STXBP4: variants seen among roughly 807,000 people sequenced by gnomAD.
STXBP4 encodes the protein syntaxin binding protein 4.
Under a neutral mutation model 76.1 loss-of-function variants are expected in STXBP4, and 55 were observed. The observed-to-expected ratio is 0.72, with a 90% CI of 0.58 to 0.91. The LOEUF (loss-of-function observed/expected upper bound fraction) is 0.91, where lower values mean the gene tolerates loss of function less well. Ranked by LOEUF, STXBP4 falls within the 40% of genes least tolerant of loss-of-function variation. STXBP4 has a pLI of 0.00. For missense variants in STXBP4, 618 were observed against 636.9 expected, an observed-to-expected ratio of 0.97 and a Z score of 0.32; for synonymous variants, 201 against 220.2, an observed-to-expected ratio of 0.91 and a Z score of 0.77.
chr17:55,137,061 T>A (rs1421819792), intron 16 of STXBP4, among the ~76,000 whole-genome samples: 2 of 152,138 alleles, frequency 1.3e-5, no homozygotes, highest in East Asian at 1.9e-4. Context: ...CACTACTATA[T>A]AAATGACAAA....
chr17:55,011,511 T>TTTTTTTTTTTTTTTTTTTTTTTTG (rs1437103512), intron 8 of STXBP4, among the ~76,000 whole-genome samples: 1 of 142,218 alleles, frequency 7.0e-6, no homozygotes, highest in Non-Finnish European at 1.5e-5. Flanking sequence ...TCTTTTTCTT[T>TTTTTTTTTTTTTTTTTTTTTTTTG]TTTTTTTTTT....
rs1485718070 is a variant in STXBP4 at position 55,141,337 on chromosome 17, A to G, written c.1517A>G (p.Tyr506Cys). The G allele has an allele frequency of 8.7e-6, 14 of 1,612,202 alleles. No homozygotes were observed. Among genetic ancestry groups the G allele is most frequent in the African/African-American group, 1.3e-5 (1 of 74,830 alleles). ...TTACCTTATGGGTGGGAGGAAGCTT[A>G]CACAGCAGATGGAATCAAGTACTTC... ...DCLPYGWEEA[Y>C]TADGIKYFIN... The change falls in exon 17 of 18, where the codon TAC (tyrosine) becomes TGC (cysteine). Residue 506 changes from tyrosine to cysteine, a missense_variant. Coordinates refer to ENST00000376352, the MANE Select transcript of STXBP4 (RefSeq NM_178509.6).
the STXBP4 span, among the ~76,000 whole-genome samples, chr17:55,185,953 G>A: frequency 6.6e-6 from 1 of 152,324 alleles, no homozygotes; most frequent in South Asian, 2.1e-4. Context: ...CTGGGACCCA[G>A]GATCCATGTG....
At chr17:55,138,866 T>C (rs1360568810) in intron 16 of STXBP4, among the ~76,000 whole-genome samples, 3 of 152,112 alleles carry the variant, frequency 2.0e-5, no homozygotes, top group Non-Finnish European at 4.4e-5. Context: ...TAGTTTGTAA[T>C]TGGACAGTGA....
intron 1 of STXBP4, among the ~76,000 whole-genome samples, chr17:54,970,192 A>G (rs183371607): frequency 2.3e-4 from 35 of 152,236 alleles, no homozygotes; most frequent in African/African-American, 8.2e-4. Flanking sequence ...AGGCCTGGTA[A>G]TACCAGCCTT....
At chr17:55,092,690 C>CT (rs886560653) in intron 16 of STXBP4, among the ~76,000 whole-genome samples, 7 of 152,104 alleles carry the variant, frequency 4.6e-5, no homozygotes, top group African/African-American at 9.7e-5. Context: ...TAGTAGCTGC[C>CT]TTTTTTCTGT....
At chr17:55,058,338 G>A (rs750141864) in intron 12 of STXBP4, among the ~76,000 whole-genome samples, 5 of 152,044 alleles carry the variant, frequency 3.3e-5, no homozygotes, top group Non-Finnish European at 7.4e-5. Context: ...TTTCTTGGCC[G>A]CATAAATGCC....
the STXBP4 span, among the ~76,000 whole-genome samples, chr17:55,189,565 G>A: frequency 1.3e-5 from 2 of 152,164 alleles, no homozygotes; most frequent in African/African-American, 2.4e-5. Context: ...GTGAGGCCAC[G>A]GTCAAGTTAC....
rs149946147 is a variant in STXBP4 at position 55,076,243 on chromosome 17, TA to T, written c.1189-1834del. 2.9e-4 allele frequency among the ~76,000 whole-genome samples: 44 copies of T among 152,274 alleles called. 1 individual carries two copies. The highest frequency in any genetic ancestry group is 6.8e-3 in the Middle Eastern group (2 of 294). ...TTAAGACCACAAATTAGACATTGAT[TA>T]TTTGTTTTGTGTGGTCAGCATTTGC... is the stretch of plus-strand genomic sequence containing the variant. On this transcript the variant is annotated intron_variant, in intron 13 of 17. Coordinates refer to ENST00000376352, the MANE Select transcript of STXBP4 (RefSeq NM_178509.6).
In STXBP4 at chr17:55,047,444, T is replaced by C. The variant is rs2078805447; in HGVS notation, c.1011+290T>C. Among the ~76,000 whole-genome samples, 4 of 151,904 alleles carry C rather than the reference T, an allele frequency of 2.6e-5. No homozygotes were observed. In the South Asian group the frequency reaches 6.2e-4, roughly 24 times the overall value. On this transcript the variant is annotated intron_variant, in intron 12 of 17. Transcript: ENST00000376352. The stretch of plus-strand genomic sequence containing the variant: ...CCAAAATAACCAATCTCATTACTTC[T>C]CCATTGTTTTTTCTTTTCTTTCATT...
chr17:55,133,098 G>C (rs1482444221), intron 16 of STXBP4, among the ~76,000 whole-genome samples: 2 of 152,134 alleles, frequency 1.3e-5, no homozygotes, highest in Non-Finnish European at 2.9e-5. Context: ...TTTGAGAGTA[G>C]ACTGTGGCAG....
chr17:55,017,348 A>T (rs1317362475), intron 8 of STXBP4, among the ~76,000 whole-genome samples: 1 of 152,112 alleles, frequency 6.6e-6, no homozygotes, highest in Non-Finnish European at 1.5e-5. Flanking sequence ...ATAACTGCCC[A>T]TGTCGAGAGC....
chr17:55,130,472 A>T (rs958976761), intron 16 of STXBP4, among the ~76,000 whole-genome samples: 1 of 152,228 alleles, frequency 6.6e-6, no homozygotes, highest in Non-Finnish European at 1.5e-5. Flanking sequence ...TTATGGAATG[A>T]TCAAATCAGG....
At chr17:55,105,528 C>T (rs9902974) in intron 16 of STXBP4, among the ~76,000 whole-genome samples, 9,373 of 146,846 alleles carry the variant, frequency 0.064, 920 homozygotes, top group African/African-American at 0.22. Flanking sequence ...AGTGCAGTGG[C>T]GCAATCTCAG....
intron 10 of STXBP4, among the ~76,000 whole-genome samples, chr17:55,042,613 G>A (rs1456562267): frequency 6.6e-6 from 1 of 151,694 alleles, no homozygotes; most frequent in Non-Finnish European, 1.5e-5. Context: ...TTTTTACATT[G>A]TAATTGACGG....
the STXBP4 span, among the ~76,000 whole-genome samples, chr17:55,181,753 T>G: frequency 6.6e-6 from 1 of 152,152 alleles, no homozygotes; most frequent in East Asian, 1.9e-4. Context: ...AGAGATAAGT[T>G]AAACATTTGA....
intron 4 of STXBP4, chr17:54,991,516 G>A (rs1365096665): frequency 6.6e-6 from 1 of 151,934 alleles, no homozygotes; most frequent in Admixed American, 6.6e-5. Context: ...CACTTTGGTT[G>A]GTAGGAAGCT....
chr17:55,183,402 A>G, the STXBP4 span, among the ~76,000 whole-genome samples: 1 of 152,204 alleles, frequency 6.6e-6, no homozygotes, highest in Non-Finnish European at 1.5e-5. Context: ...CCCGGGCAAG[A>G]CAGCAAGACC....
rs376514891 is a variant in STXBP4, at chr17:55,007,335, C to T, written c.575-171C>T. Among the ~76,000 whole-genome samples the T allele has an allele frequency of 5.1e-3, 721 of 142,354 alleles. 7 individuals are homozygous for T. Among genetic ancestry groups the T allele is most frequent in the African/African-American group, 0.013 (516 of 39,776 alleles). The allele number at this position is 142,354 out of a possible 152,430, so 93.4% of individuals were successfully genotyped here. On this transcript the variant is annotated intron_variant, in intron 7 of 17. Transcript: ENST00000376352. Reference sequence around the variant, plus strand: ...GGCAACAGAGTGAGACTCTGTCCCCCCTCCAAAAAAAAAAAAGAAAAGAAA... The same window carrying T: ...GGCAACAGAGTGAGACTCTGTCCCCTCTCCAAAAAAAAAAAAGAAAAGAAA...
Sources: allele counts gnomAD v4.1 joint callset (sites outside exome capture counted in the v4.1 genomes callset), GRCh38; gene constraint gnomAD v4.1.1; transcripts MANE v1.5; gene names NCBI Gene and HGNC (gene_info 2026-07-23, HGNC 2026-07-21).